The following ESR2 variants were observed in gnomAD, a reference collection of about 807,000 sequenced individuals.
The protein encoded by ESR2 is estrogen receptor 2.
In ESR2, 36 loss-of-function variants were observed where a neutral mutation model predicts 49.6. The ratio of observed to expected loss-of-function variants is 0.73; its 90% CI spans 0.56 to 0.96. The LOEUF is 0.96. ESR2 is among the 40% of genes least tolerant of loss of function. The probability of loss-of-function intolerance (pLI) is 0.00; values close to 1 mark genes in which losing one functional copy is unlikely to be tolerated. For missense variants in ESR2, 714 were observed against 693.0 expected (o/e 1.03, Z -0.34); for synonymous variants, 320 against 266.1 (o/e 1.20, Z -1.97).
chr14:64,336,147 G>C (rs2140912974), intron 1 of ESR2: 1 of 151,998 alleles, frequency 6.6e-6, no homozygotes, highest in East Asian at 1.9e-4. Context: ...CACTGTTCCT[G>C]GACAACACAT....
intron 7 of ESR2, among the ~76,000 whole-genome samples, chr14:64,240,971 C>T (rs1269376373): frequency 2.0e-5 from 3 of 151,318 alleles, no homozygotes; most frequent in Admixed American, 2.0e-4. Context: ...GGTGAAACCC[C>T]GTCTCTACTA....
chr14:64,295,999 G>A (rs140080065), upstream of ESR2, among the ~76,000 whole-genome samples: 245 of 142,794 alleles, frequency 1.7e-3, 2 homozygotes, highest in African/African-American at 5.3e-3. Flanking sequence ...AGCCAAGATC[G>A]CGCCACTGCA....
At chr14:64,289,846 G>A (rs924907774) in intron 1 of ESR2, among the ~76,000 whole-genome samples, 2 of 151,652 alleles carry the variant, frequency 1.3e-5, no homozygotes, top group African/African-American at 2.4e-5. Context: ...GATAAGTCTA[G>A]GAGGATAAGA....
intron 1 of ESR2, among the ~76,000 whole-genome samples, chr14:64,302,733 G>A (rs903547253): frequency 6.6e-6 from 1 of 152,196 alleles, no homozygotes; most frequent in Admixed American, 6.5e-5. Flanking sequence ...ACTAAGACCC[G>A]ACAAGCTTCA....
At chr14:64,248,412 G>A (rs1406033639) in intron 7 of ESR2, among the ~76,000 whole-genome samples, 2 of 150,296 alleles carry the variant, frequency 1.3e-5, no homozygotes, top group African/African-American at 4.9e-5. Context: ...GTGAGGCCAA[G>A]GTGGGAGGAT....
intron 2 of ESR2, 53 bp from the exon 3 acceptor site, chr14:64,280,206 G>A: frequency 7.6e-7 from 1 of 1,324,016 alleles, no homozygotes; most frequent in Non-Finnish European, 1.0e-6. Flanking sequence ...GAAAGGAAGG[G>A]CTTTCTAGGA....
intron 3 of ESR2, among the ~76,000 whole-genome samples, chr14:64,274,021 T>C (rs1256038): frequency 0.65 from 98,529 of 150,698 alleles, 33,789 homozygotes; most frequent in African/African-American, 0.88. Flanking sequence ...CTTACCACAG[T>C]CTTGACTTCC....
rs1312853452 is a variant in ESR2 at position 64,231,867 on chromosome 14, G to A, written c.*1270C>T. The A allele has an allele frequency of 6.6e-6, 1 of 152,016 alleles. No individual in the cohort carries two copies. The highest frequency in any genetic ancestry group is 2.4e-5 in the African/African-American group (1 of 41,378). The allele number at this position is 152,016 out of a possible 1,614,324, so 9.4% of individuals were successfully genotyped here. A position where few individuals can be genotyped will look rare whatever the true frequency, so the allele number is the denominator to read the frequency against. On this transcript the variant is annotated 3_prime_UTR_variant, in exon 9 of 9. Coordinates refer to ENST00000341099, the MANE Select transcript of ESR2 (RefSeq NM_001437.3). ...GTGAGTTAAAGTTGTCATTTCAGAG[G>A]TGCCCTTCTTCATGTCCTATTTATG...
intron 4 of ESR2, among the ~76,000 whole-genome samples, chr14:64,263,333 A>G (rs1217681634): frequency 1.3e-5 from 2 of 152,236 alleles, no homozygotes; most frequent in Non-Finnish European, 1.5e-5. Flanking sequence ...AATATTTTAA[A>G]AAGATAAATA....
At chr14:64,306,731 C>G (rs1022626318) in intron 1 of ESR2, among the ~76,000 whole-genome samples, 2 of 152,296 alleles carry the variant, frequency 1.3e-5, no homozygotes, top group African/African-American at 4.8e-5. Flanking sequence ...GACTACTGAT[C>G]TGTAGTTTTC....
chr14:64,274,837 CCTT>C (rs1378218970), intron 3 of ESR2, among the ~76,000 whole-genome samples: 2 of 152,022 alleles, frequency 1.3e-5, no homozygotes, highest in East Asian at 1.9e-4. Flanking sequence ...TTTTTAATTT[CCTT>C]CTTAATTTCT....
At chr14:64,329,650 A>G (rs937695431) in intron 1 of ESR2, 6 of 151,970 alleles carry the variant, frequency 3.9e-5, no homozygotes, top group Middle Eastern at 3.4e-3. Context: ...AGAAATTTGT[A>G]TGTGAAAACT....
In ESR2 at chr14:64,260,688, T is replaced by G; in HGVS notation, c.713A>C (p.Gln238Pro). 1 of 1,556,596 alleles carries G rather than the reference T, an allele frequency of 6.4e-7. No homozygotes were observed. Among genetic ancestry groups the G allele is most frequent in the Non-Finnish European group, 8.7e-7 (1 of 1,146,694 alleles). Residue 238 changes from glutamine (Q) to proline (P), a missense_variant, in exon 5 of 9, where the codon CAG becomes CCG. Physicochemically the swap from Gln to Pro is moderately conservative, Grantham distance 76. Transcript: ENST00000341099. ...LVRRQRSADE[Q>P]LHCAGKAKRS... Reference sequence around the variant, plus strand: ...CTTGGCCTTGCCGGCACAGTGCAGCTGCTCGTCGGCACTTCTCTGTCTCCG... The same window carrying G: ...CTTGGCCTTGCCGGCACAGTGCAGCGGCTCGTCGGCACTTCTCTGTCTCCG...
At chr14:64,227,227 A>AAGCT (rs1392005007), downstream of ESR2, 1 of 392,302 alleles carries the variant, frequency 2.5e-6, no homozygotes, top group Admixed American at 4.3e-5. Flanking sequence ...GAAACCAGTG[A>AAGCT]AGCTCATCAG....
At chr14:64,281,699 T>TA (rs1318730307) in intron 2 of ESR2, among the ~76,000 whole-genome samples, 1 of 152,200 alleles carries the variant, frequency 6.6e-6, no homozygotes, top group African/African-American at 2.4e-5. Context: ...TCATTAGAAA[T>TA]ATTAATAATT....
intron 8 of ESR2, 61 bp from the exon 9 acceptor site, chr14:64,233,384 C>A: frequency 3.3e-6 from 5 of 1,526,656 alleles, no homozygotes; most frequent in Non-Finnish European, 2.7e-6. Context: ...AACCCCGAAG[C>A]CTTCCCCGGC....
rs2098725625 is a variant in ESR2 at position 64,229,906 on chromosome 14, C to T, written c.*3231G>A. Among the ~76,000 whole-genome samples, 1 of 152,012 alleles carries T rather than the reference C, an allele frequency of 6.6e-6. No homozygotes were observed. The highest frequency in any genetic ancestry group is 1.5e-5 in the Non-Finnish European group (1 of 67,994). ...AAAAAAAATGTGGCGGGGCTGGGCACAGTGGCTCATGCCTGTAATCTCAGC... is the reference window on the plus strand; with the variant it reads ...AAAAAAAATGTGGCGGGGCTGGGCATAGTGGCTCATGCCTGTAATCTCAGC... On this transcript the variant is annotated 3_prime_UTR_variant, in exon 9 of 9. Transcript: ENST00000341099.
At chr14:64,310,286 A>AAAAAAAAAAAAAATAATAAT (rs1555595498) in intron 1 of ESR2, among the ~76,000 whole-genome samples, 1 of 142,462 alleles carries the variant, frequency 7.0e-6, no homozygotes, top group African/African-American at 2.6e-5. Context: ...TCGTCTCAAA[A>AAAAAAAAAAAAAATAATAAT]AATAATAATA....
chr14:64,293,060 T>G (rs935617226), intron 1 of ESR2, among the ~76,000 whole-genome samples: 1 of 152,222 alleles, frequency 6.6e-6, no homozygotes, highest in Non-Finnish European at 1.5e-5. Context: ...CTAATGCCTG[T>G]TGATGAACAG....
Sources: gnomAD v4.1 joint callset for allele counts (sites outside exome capture counted in the v4.1 genomes callset) on GRCh38, gnomAD v4.1.1 for gene constraint, MANE v1.5 for transcripts, NCBI Gene and HGNC (gene_info 2026-07-23, HGNC 2026-07-21) for gene names.